Variants in IFRD1 observed in about 807,000 individuals in gnomAD.
The protein encoded by IFRD1 is interferon related developmental regulator 1.
In IFRD1, 35 loss-of-function variants were observed where a neutral mutation model predicts 52.9. The ratio of observed to expected loss-of-function variants is 0.66; its 90% confidence interval spans 0.51 to 0.88. The LOEUF is 0.88. Among genes scored for constraint, IFRD1 ranks in the 40% least tolerant of loss-of-function variants. The probability of loss-of-function intolerance (pLI) is 0.00; values close to 1 mark genes in which losing one functional copy is unlikely to be tolerated. For synonymous variants in IFRD1, 184 were observed against 188.4 expected, an observed-to-expected ratio of 0.98 and a Z score of 0.19; for missense variants, 517 against 550.8, an observed-to-expected ratio of 0.94 and a Z score of 0.61.
intron 1 of IFRD1, among the ~76,000 whole-genome samples, chr7:112,428,914 T>G (rs552854516): frequency 1.3e-5 from 2 of 152,302 alleles, no homozygotes; most frequent in East Asian, 1.9e-4. Context: ...AATCCTCTTC[T>G]CAAAAGCTAT....
rs925496081 is a variant in IFRD1, at chr7:112,475,784, G to C, written c.*265G>C. The stretch of plus-strand genomic sequence containing the variant: ...GAAGACAGCAAAAGACTGATTTCAT[G>C]ATGGGGAAAACAATTAGCCAAAGTT... On this transcript the variant is annotated 3_prime_UTR_variant, in exon 12 of 12. Coordinates refer to ENST00000403825, the MANE Select transcript of IFRD1 (RefSeq NM_001550.4). 2.6e-6 allele frequency: 1 copy of C among 385,748 alleles called. No individual in the cohort carries two copies. The highest frequency in any genetic ancestry group is 2.1e-5 in the African/African-American group (1 of 47,912). 23.9% of individuals were successfully genotyped at this position (385,748 alleles called of 1,614,324 possible). A position where few individuals can be genotyped will look rare whatever the true frequency, so the allele number is the denominator to read the frequency against.
chr7:112,445,617 TA>T (rs1438831862), upstream of IFRD1, among the ~76,000 whole-genome samples: 1 of 152,180 alleles, frequency 6.6e-6, no homozygotes, highest in African/African-American at 2.4e-5. Context: ...ACTGCTAAAA[TA>T]CAGAGGAAAT....
chr7:112,455,774 C>T lies in IFRD1; in HGVS notation c.106C>T (p.Arg36Ter), dbSNP rs1245332506. ...CTTTTACCTAATAGGTGGCCAGCAT[C>T]GAAATGTTCAGCCTTTTAGTGATGA... The part of the protein sequence containing the change: ...ATAATAGGQH[R>*]NVQPFSDEDA... Residue 36 changes from arginine (R) to a stop codon, truncating the protein, a stop_gained, in exon 2 of 12, where the codon CGA becomes TGA. Coordinates refer to ENST00000403825, the MANE Select transcript of IFRD1 (RefSeq NM_001550.4). LOFTEE classifies it high-confidence loss of function. 6 of 1,608,418 alleles carry T rather than the reference C, an allele frequency of 3.7e-6. No individual in the cohort carries two copies. Among genetic ancestry groups the T allele is most frequent in the East Asian group, 2.2e-5 (1 of 44,824 alleles).
In IFRD1 at chr7:112,475,508, G is replaced by T. The variant is rs748589729; in HGVS notation, c.1345G>T (p.Glu449Ter). The part of the protein sequence containing the change: ...KCRDKRADVG[E>*]FF ...TCGAGATAAGAGAGCAGATGTTGGA[G>T]AATTCTTCTAGATTTTCAGAACTTG... The change falls in exon 12 of 12, where the codon GAA (glutamate) becomes TAA (stop). Residue 449 changes from glutamate (E) to a stop codon, truncating the protein, a stop_gained. Transcript: ENST00000403825. LOFTEE classifies it high-confidence loss of function. The T allele has an allele frequency of 1.3e-6, 2 of 1,599,662 alleles. No homozygotes were observed. Among genetic ancestry groups the T allele is most frequent in the African/African-American group, 1.3e-5 (1 of 74,692 alleles).
intron 1 of IFRD1, among the ~76,000 whole-genome samples, chr7:112,439,194 C>T (rs568236933): frequency 6.6e-6 from 1 of 152,190 alleles, no homozygotes; most frequent in African/African-American, 2.4e-5. Flanking sequence ...TCTGTGGAGG[C>T]GGAATGAAGT....
At chr7:112,473,933 C>T (rs1795828882) in intron 11 of IFRD1, among the ~76,000 whole-genome samples, 1 of 152,210 alleles carries the variant, frequency 6.6e-6, no homozygotes, top group African/African-American at 2.4e-5. Flanking sequence ...CTGGCAACCG[C>T]TAATCTGCTG....
At chr7:112,432,103 A>G (rs1226585113) in intron 1 of IFRD1, among the ~76,000 whole-genome samples, 1 of 152,188 alleles carries the variant, frequency 6.6e-6, no homozygotes, top group African/African-American at 2.4e-5. Context: ...CATGATAAAT[A>G]TGGGAGCATG....
chr7:112,450,901 T>G lies in IFRD1; in HGVS notation c.94+119T>G, dbSNP rs2117279276. 3 of 758,062 alleles carry G rather than the reference T, an allele frequency of 4.0e-6. No individual in the cohort carries two copies. In the South Asian group the frequency reaches 4.7e-5, roughly 12 times the overall value. The allele number at this position is 758,062 out of a possible 1,614,324, so 47.0% of individuals were successfully genotyped here. Reference sequence around the variant, plus strand: ...GATGTACACATTTGCATTTCCAGGGTGCGTGGTTTGGCTACTGAACTACAA... The same window carrying G: ...GATGTACACATTTGCATTTCCAGGGGGCGTGGTTTGGCTACTGAACTACAA... On this transcript the variant is annotated intron_variant, in intron 1 of 11. Coordinates refer to ENST00000403825, the MANE Select transcript of IFRD1 (RefSeq NM_001550.4).
At chr7:112,454,977 C>T (rs1394328731) in intron 1 of IFRD1, among the ~76,000 whole-genome samples, 1 of 146,706 alleles carries the variant, frequency 6.8e-6, no homozygotes, top group African/African-American at 2.5e-5. Flanking sequence ...AGCGATTCTT[C>T]TGCCTCAGCC....
chr7:112,444,802 G>A (rs1202706947), intron 1 of IFRD1, among the ~76,000 whole-genome samples: 3 of 152,186 alleles, frequency 2.0e-5, no homozygotes, highest in Non-Finnish European at 4.4e-5. Flanking sequence ...TACTAGAGGC[G>A]GGAGGGATGG....
upstream of IFRD1, among the ~76,000 whole-genome samples, chr7:112,448,537 T>G (rs948788674): frequency 1.3e-5 from 2 of 152,220 alleles, no homozygotes; most frequent in African/African-American, 4.8e-5. Flanking sequence ...TGTCACTGAG[T>G]TGCAGTGTGC....
chr7:112,443,590 G>A (rs1161400347), intron 1 of IFRD1, among the ~76,000 whole-genome samples: 2 of 151,764 alleles, frequency 1.3e-5, no homozygotes, highest in African/African-American at 2.4e-5. Flanking sequence ...CCCCAAAAAC[G>A]GCCGAGTGTG....
chr7:112,457,137 C>T, intron 4 of IFRD1, 99 bp downstream of exon 4: 3 of 1,271,254 alleles, frequency 2.4e-6, no homozygotes, highest in Non-Finnish European at 3.4e-6. Flanking sequence ...CACTGGCCCA[C>T]TCTTAAAATT....
chr7:112,444,117 C>T (rs1364747807), intron 1 of IFRD1, among the ~76,000 whole-genome samples: 12 of 152,130 alleles, frequency 7.9e-5, no homozygotes, highest in African/African-American at 2.4e-4. Context: ...CATAACTATC[C>T]TAGTTTGGCT....
chr7:112,455,220 A>G (rs979558440), intron 1 of IFRD1, among the ~76,000 whole-genome samples: 1 of 151,988 alleles, frequency 6.6e-6, no homozygotes, highest in Admixed American at 6.6e-5. Context: ...TCAGTGGCTC[A>G]CACCTGTAAT....
chr7:112,452,147 T>G lies in IFRD1; in HGVS notation c.94+1365T>G, dbSNP rs376753044. The G allele has an allele frequency of 1.3e-4, 123 of 952,670 alleles. No homozygotes were observed. In the African/African-American group the frequency reaches 2.6e-3, roughly 20 times the overall value. 59.0% of individuals were successfully genotyped at this position (952,670 alleles called of 1,614,324 possible). On this transcript the variant is annotated intron_variant, in intron 1 of 11. Transcript: ENST00000403825. Reference sequence around the variant, plus strand: ...TGGCCTCTGGTTGCTCTATGTGAATTGAGGATACTTTTTTTTTTTTTGTTA... The same window carrying G: ...TGGCCTCTGGTTGCTCTATGTGAATGGAGGATACTTTTTTTTTTTTTGTTA...
rs770144661 is a variant in IFRD1, at chr7:112,472,886, A to G, written c.1266+25A>G. The G allele has an allele frequency of 6.0e-6, 9 of 1,487,958 alleles. No individual in the cohort carries two copies. In the East Asian group the frequency reaches 1.8e-4, roughly 30 times the overall value. 92.2% of individuals were successfully genotyped at this position (1,487,958 alleles called of 1,614,324 possible). Reference sequence around the variant, plus strand: ...GGTAGGTTTTGTTTTTATTTTTAATAAAACTAAGTGCGCCAAAGCTTTGAT... The same window carrying G: ...GGTAGGTTTTGTTTTTATTTTTAATGAAACTAAGTGCGCCAAAGCTTTGAT... On this transcript the variant is annotated intron_variant, in intron 11 of 11. Transcript: ENST00000403825.
rs1345844951 is a variant in IFRD1 at position 112,450,777 on chromosome 7, C to T, written c.89C>T (p.Thr30Ile). 88 of 1,611,158 alleles carry T rather than the reference C, an allele frequency of 5.5e-5. No homozygotes were observed. The Admixed American group carries it at 7.7e-4, about 14-fold the overall frequency. Residue 30 changes from threonine (T) to isoleucine (I), a missense_variant, in exon 1 of 12, where the codon ACA becomes ATA. Transcript: ENST00000403825. The part of the protein sequence containing the change: ...GSGAAAATAA[T>I]AGGQHRNVQP... ...GGAGCAGCCGCAGCGACGGCGGCGA[C>T]AGCAGGTAAGGGGTATCCCCGCCGC... is the stretch of plus-strand genomic sequence containing the variant.
chr7:112,428,503 T>G (rs1794476951), intron 1 of IFRD1, among the ~76,000 whole-genome samples: 1 of 149,450 alleles, frequency 6.7e-6, no homozygotes, highest in Non-Finnish European at 1.5e-5. Flanking sequence ...GAGAAATACT[T>G]AGGAAATTAA....
Sources: gnomAD v4.1 joint callset for allele counts (sites outside exome capture counted in the v4.1 genomes callset) on GRCh38, gnomAD v4.1.1 for gene constraint, MANE v1.5 for transcripts, NCBI Gene and HGNC (gene_info 2026-07-23, HGNC 2026-07-21) for gene names.